The following PRICKLE4 variants were observed in gnomAD, a reference collection of about 807,000 sequenced individuals.
The protein encoded by PRICKLE4 is prickle planar cell polarity protein 4.
In PRICKLE4, 40 loss-of-function variants were observed where a neutral mutation model predicts 43.5. The observed-to-expected ratio is 0.92, with a 90% CI of 0.71 to 1.20. The LOEUF (loss-of-function observed/expected upper bound fraction) is 1.20. Among genes scored for constraint, PRICKLE4 ranks in the 50% most tolerant of loss-of-function variants. The probability of loss-of-function intolerance (pLI) is 0.00; values close to 1 mark genes in which losing one functional copy is unlikely to be tolerated. For synonymous variants in PRICKLE4, 208 were observed against 197.4 expected (o/e 1.05, Z -0.45); for missense variants, 527 against 491.2 (o/e 1.07, Z -0.69).
intron 7 of PRICKLE4, 23 bp from the exon 8 acceptor site, chr6:41,786,739 G>T: frequency 6.2e-7 from 1 of 1,612,668 alleles, no homozygotes; most frequent in Non-Finnish European, 8.5e-7. Flanking sequence ...TGAGACCAGC[G>T]TTTCCGACCC....
In PRICKLE4 at chr6:41,785,363, G is replaced by A; in HGVS notation, c.405G>A (p.Glu135=). 6.2e-7 allele frequency: 1 copy of A among 1,614,162 alleles called. No individual in the cohort carries two copies. The highest frequency in any genetic ancestry group is 8.5e-7 in the Non-Finnish European group (1 of 1,180,030). The change falls in exon 6 of 8, where the codon GAG becomes GAA. Residue 135 remains glutamate (E), a synonymous_variant. Transcript: ENST00000458694. ...EKCRELLKPG[E]YGVFAARAGE... is the part of the protein sequence containing the mutation. ...GTAGGGAGCTGCTGAAGCCAGGGGA[G>A]TACGGAGTGTTTGCAGCCCGGGCAG... is the stretch of plus-strand genomic sequence containing the variant.
intron 3 of PRICKLE4, chr6:41,783,899 G>A: frequency 1.4e-6 from 1 of 721,978 alleles, no homozygotes. Flanking sequence ...AAGAAGGGAA[G>A]CTGTTTTGGG....
intron 7 of PRICKLE4, 136 bp from the exon 8 acceptor site, chr6:41,786,626 G>T: frequency 7.2e-7 from 1 of 1,396,896 alleles, no homozygotes; most frequent in Non-Finnish European, 9.6e-7. Context: ...CCCTGGCGAG[G>T]ACTCTCGGCG....
At chr6:41,786,419 C>T in intron 7 of PRICKLE4, 87 bp downstream of exon 7, 1 of 1,415,618 alleles carries the variant, frequency 7.1e-7, no homozygotes, top group Non-Finnish European at 9.6e-7. Flanking sequence ...GCCCCGGTCC[C>T]ACGCCGTCCC....
At position 41,786,762 on chromosome 6, in the gene PRICKLE4, G is replaced by C. The variant is rs1249992271; in HGVS notation, c.788G>C (p.Gly263Ala). The C allele has an allele frequency of 1.2e-6, 2 of 1,612,940 alleles. No homozygotes were observed. Among genetic ancestry groups the C allele is most frequent in the Non-Finnish European group, 1.7e-6 (2 of 1,179,898 alleles). ...AGALEGQAFLGETGLDRTEGR... is the reference protein window; with the variant it reads ...AGALEGQAFLAETGLDRTEGR... The stretch of plus-strand genomic sequence containing the variant: ...GCGTTTCCGACCCGGCCCGGAACAG[G>C]GGAGACTGGACTCGACCGAACTGAA... The change falls in exon 8 of 8, where the codon GGG (glycine) becomes GCG (alanine). Residue 263 changes from glycine to alanine, a missense_variant and splice_region_variant. By Grantham distance (60) the Gly-to-Ala change is moderately conservative (BLOSUM62 0). Coordinates refer to ENST00000458694, the MANE Select transcript of PRICKLE4 (RefSeq NM_013397.6).
intron 2 of PRICKLE4, among the ~76,000 whole-genome samples, chr6:41,781,881 T>C (rs1180681090): frequency 6.6e-6 from 1 of 152,196 alleles, no homozygotes; most frequent in Non-Finnish European, 1.5e-5. Context: ...TTATGTAATA[T>C]TCTAGAAGAG....
rs1284100464 is a variant in PRICKLE4, at chr6:41,785,499, C to T, written c.541C>T (p.His181Tyr). 2 of 1,613,948 alleles carry T rather than the reference C, an allele frequency of 1.2e-6. No individual in the cohort carries two copies. The highest frequency in any genetic ancestry group is 1.7e-6 in the Non-Finnish European group (2 of 1,180,042). The change falls in exon 6 of 8, where the codon CAT becomes TAT. Residue 181 changes from histidine (H) to tyrosine (Y), a missense_variant. By Grantham distance (83) the His-to-Tyr change is moderately conservative (BLOSUM62 2). Coordinates refer to ENST00000458694, the MANE Select transcript of PRICKLE4 (RefSeq NM_013397.6). ...HDGQLYCGRH[H>Y]AELLRPRCPA... ...TGGACAACTCTACTGCGGCCGTCAT[C>T]ATGCAGAGTTGCTGCGCCCGCGCTG...
intron 2 of PRICKLE4, among the ~76,000 whole-genome samples, chr6:41,781,986 A>T (rs1283724954): frequency 6.6e-6 from 1 of 151,072 alleles, no homozygotes; most frequent in Non-Finnish European, 1.5e-5. Flanking sequence ...GATTGATCCC[A>T]TTCTACCTGG....
At position 41,783,485 on chromosome 6, in the gene PRICKLE4, G is replaced by A; in HGVS notation, c.12G>A (p.Gln4=). The A allele has an allele frequency of 6.6e-7, 1 of 1,524,724 alleles. No homozygotes were observed. The highest frequency in any genetic ancestry group is 9.0e-7 in the Non-Finnish European group (1 of 1,106,382). The allele number at this position is 1,524,724 out of a possible 1,614,324, so 94.4% of individuals were successfully genotyped here. Residue 4 remains glutamine (Q), a synonymous_variant, in exon 3 of 8, where the codon CAG becomes CAA. Transcript: ENST00000458694. ...AGGCTTTGCCACAAATGTCAGTGCA[G>A]AACTCTGGCTGGCCCCACCAAGAAG... The part of the protein sequence containing the change: MSV[Q]NSGWPHQEDS...
rs1772585518 is a variant in PRICKLE4, at chr6:41,783,513, A to G, written c.40A>G (p.Ser14Gly). Residue 14 changes from serine (S) to glycine (G), a missense_variant, in exon 3 of 8, where the codon AGC becomes GGC. Physicochemically the swap from Ser to Gly is moderately conservative, Grantham distance 56 (BLOSUM62 0). Coordinates refer to ENST00000458694, the MANE Select transcript of PRICKLE4 (RefSeq NM_013397.6). ...QNSGWPHQED[S>G]PKPQDPGPPA... ...CTCTGGCTGGCCCCACCAAGAAGAC[A>G]GCCCCAAGCCCCAGGATCCAGGTCC... 1 of 1,584,008 alleles carries G rather than the reference A, an allele frequency of 6.3e-7. No individual in the cohort carries two copies. Among genetic ancestry groups the G allele is most frequent in the Non-Finnish European group, 8.7e-7 (1 of 1,154,140 alleles).
chr6:41,784,091 A>T, intron 3 of PRICKLE4, 40 bp from the exon 4 acceptor site: 1 of 1,470,638 alleles, frequency 6.8e-7, no homozygotes, highest in South Asian at 1.2e-5. Context: ...AGGAAAGAAA[A>T]ACCTAGTTTC....
chr6:41,786,610 G>C (rs751548694), intron 7 of PRICKLE4, 152 bp from the exon 8 acceptor site: 11 of 1,315,062 alleles, frequency 8.4e-6, no homozygotes, highest in Non-Finnish European at 1.0e-5. Context: ...TGGTGGAGGC[G>C]GGGGACCCTG....
In PRICKLE4 at chr6:41,784,138, C is replaced by T. The variant is rs1356731708; in HGVS notation, c.140C>T (p.Ala47Val). The T allele has an allele frequency of 6.2e-7, 1 of 1,612,750 alleles. No homozygotes were observed. Among genetic ancestry groups the T allele is most frequent in the African/African-American group, 1.3e-5 (1 of 74,842 alleles). ...TCTTCCATGTCTCCTCAGGGTCCTG[C>T]AGTTCTGAGCTTGGGTTCCCTTTGC... ...DPEDTHAQGP[A>V]VLSLGSLCLD... The change falls in exon 4 of 8, where the codon GCA becomes GTA. Residue 47 changes from alanine (A) to valine (V), a missense_variant. Ala to Val is a moderately conservative substitution (Grantham distance 64). Transcript: ENST00000458694.
chr6:41,785,502 G>T lies in PRICKLE4; in HGVS notation c.544G>T (p.Ala182Ser). 6.2e-7 allele frequency: 1 copy of T among 1,613,856 alleles called. No homozygotes were observed. The change falls in exon 6 of 8, where the codon GCA becomes TCA. Residue 182 changes from alanine to serine, a missense_variant. Coordinates refer to ENST00000458694, the MANE Select transcript of PRICKLE4 (RefSeq NM_013397.6). ...ACAACTCTACTGCGGCCGTCATCATGCAGAGTTGCTGCGCCCGCGCTGCCC... is the reference window on the plus strand; with the variant it reads ...ACAACTCTACTGCGGCCGTCATCATTCAGAGTTGCTGCGCCCGCGCTGCCC... ...DGQLYCGRHH[A>S]ELLRPRCPAC... is the part of the protein sequence containing the mutation.
chr6:41,783,612 G>C lies in PRICKLE4; in HGVS notation c.132+7G>C. 1 of 1,613,416 alleles carries C rather than the reference G, an allele frequency of 6.2e-7. No individual in the cohort carries two copies. The highest frequency in any genetic ancestry group is 8.5e-7 in the Non-Finnish European group (1 of 1,179,588). The stretch of plus-strand genomic sequence containing the variant: ...TGAGGATACCCATGCTCAGGTAGTA[G>C]AGTCGTGCCCTTCCTCTGAGACCAA... On this transcript the variant is annotated splice_region_variant and intron_variant, in intron 3 of 7. Transcript: ENST00000458694.
chr6:41,783,491 T>C lies in PRICKLE4; in HGVS notation c.18T>C (p.Ser6=). Residue 6 remains serine (S), a synonymous_variant, in exon 3 of 8, where the codon TCT becomes TCC. Transcript: ENST00000458694. Reference sequence around the variant, plus strand: ...TGCCACAAATGTCAGTGCAGAACTCTGGCTGGCCCCACCAAGAAGACAGCC... The same window carrying C: ...TGCCACAAATGTCAGTGCAGAACTCCGGCTGGCCCCACCAAGAAGACAGCC... MSVQN[S]GWPHQEDSPK... The C allele has an allele frequency of 1.3e-6, 2 of 1,534,264 alleles. No homozygotes were observed. The highest frequency in any genetic ancestry group is 1.8e-6 in the Non-Finnish European group (2 of 1,113,762).
chr6:41,785,915 G>T (rs1160259548), intron 6 of PRICKLE4, among the ~76,000 whole-genome samples: 1 of 152,186 alleles, frequency 6.6e-6, no homozygotes, highest in East Asian at 1.9e-4. Context: ...TGGGAGTCCA[G>T]ACCCCCAGGT....
At position 41,787,158 on chromosome 6, in the gene PRICKLE4, G is replaced by A. The variant is rs773680723; in HGVS notation, c.*29G>A. 3 of 1,561,742 alleles carry A rather than the reference G, an allele frequency of 1.9e-6. No individual in the cohort carries two copies. The highest frequency in any genetic ancestry group is 2.6e-6 in the Non-Finnish European group (3 of 1,159,736). On this transcript the variant is annotated 3_prime_UTR_variant, in exon 8 of 8. Coordinates refer to ENST00000458694, the MANE Select transcript of PRICKLE4 (RefSeq NM_013397.6). ...CGCAGCTCAGAGAGGGGATGTGAGT[G>A]GGAGGAAAGGGGTCTGTAAAGCGGG...
Position 41,783,617 on chromosome 6 carries a change from G to C in PRICKLE4, c.132+12G>C. On this transcript the variant is annotated intron_variant, in intron 3 of 7. Coordinates refer to ENST00000458694, the MANE Select transcript of PRICKLE4 (RefSeq NM_013397.6). Reference sequence around the variant, plus strand: ...ATACCCATGCTCAGGTAGTAGAGTCGTGCCCTTCCTCTGAGACCAACATGT... The same window carrying C: ...ATACCCATGCTCAGGTAGTAGAGTCCTGCCCTTCCTCTGAGACCAACATGT... The C allele has an allele frequency of 6.2e-7, 1 of 1,613,092 alleles. No homozygotes were observed. Among genetic ancestry groups the C allele is most frequent in the African/African-American group, 1.3e-5 (1 of 74,998 alleles).
Sources: allele counts gnomAD v4.1 joint callset (sites outside exome capture counted in the v4.1 genomes callset), GRCh38; gene constraint gnomAD v4.1.1; transcripts MANE v1.5; gene names NCBI Gene and HGNC (gene_info 2026-07-23, HGNC 2026-07-21).